The following NRG2 variants were observed in gnomAD, a reference collection of about 807,000 sequenced individuals.
NRG2 encodes the protein neuregulin 2.
NRG2 carries 27 observed loss-of-function variants against 73.9 expected under a neutral mutation model. The observed-to-expected ratio is 0.37, with a 90% confidence interval of 0.27 to 0.50. The LOEUF is 0.50. Ranked by LOEUF, NRG2 falls within the 20% of genes least tolerant of loss-of-function variation. The pLI is 0.96. For synonymous variants in NRG2, 532 were observed against 541.0 expected, an observed-to-expected ratio of 0.98 and a Z score of 0.23; for missense variants, 1,126 against 1,210.1, an observed-to-expected ratio of 0.93 and a Z score of 1.03.
intron 1 of NRG2, among the ~76,000 whole-genome samples, chr5:140,012,390 C>T (rs1467886167): frequency 6.6e-6 from 1 of 152,208 alleles, no homozygotes; most frequent in African/African-American, 2.4e-5. Flanking sequence ...CTGTCATTCA[C>T]TATATACACA....
intron 1 of NRG2, among the ~76,000 whole-genome samples, chr5:139,956,542 G>C (rs1754641548): frequency 6.6e-6 from 1 of 152,172 alleles, no homozygotes; most frequent in Non-Finnish European, 1.5e-5. Context: ...CGAAGGCTTG[G>C]GGTGGTTGGT....
At chr5:140,039,883 G>C (rs1432995439) in intron 1 of NRG2, among the ~76,000 whole-genome samples, 1 of 152,224 alleles carries the variant, frequency 6.6e-6, no homozygotes, top group Non-Finnish European at 1.5e-5. Context: ...CTGCTCCAAG[G>C]AGAAAATGTT....
At chr5:139,899,747 G>A (rs575613630) in intron 1 of NRG2, among the ~76,000 whole-genome samples, 8 of 152,184 alleles carry the variant, frequency 5.3e-5, no homozygotes, top group Non-Finnish European at 1.2e-4. Context: ...TTGATCTGAT[G>A]GGGAGGGCCT....
At chr5:139,880,728 A>C (rs1211916234) in intron 3 of NRG2, 128 bp downstream of exon 3, 1 of 650,448 alleles carries the variant, frequency 1.5e-6, no homozygotes, top group Non-Finnish European at 2.7e-6. Flanking sequence ...AGGGCTTGAT[A>C]TGGCAGCAGC....
chr5:139,942,826 G>C (rs1753500476), intron 1 of NRG2, among the ~76,000 whole-genome samples: 1 of 152,144 alleles, frequency 6.6e-6, no homozygotes, highest in Non-Finnish European at 1.5e-5. Flanking sequence ...AAATTAGTTT[G>C]ATGTAGCCTG....
intron 1 of NRG2, among the ~76,000 whole-genome samples, chr5:139,931,381 T>C (rs1256070389): frequency 2.0e-5 from 3 of 152,124 alleles, no homozygotes; most frequent in African/African-American, 7.2e-5. Context: ...TCTCTGAGGG[T>C]CCCAATCATC....
chr5:139,913,742 G>A (rs761329043), intron 1 of NRG2, among the ~76,000 whole-genome samples: 2 of 152,246 alleles, frequency 1.3e-5, no homozygotes, highest in Non-Finnish European at 2.9e-5. Flanking sequence ...CTAGAGGGAG[G>A]ACAACACTTA....
chr5:139,848,547 C>T lies in NRG2; in HGVS notation c.1923G>A (p.Leu641=). 1.3e-6 allele frequency: 2 copies of T among 1,513,148 alleles called. No individual in the cohort carries two copies. Among genetic ancestry groups the T allele is most frequent in the South Asian group, 2.5e-5 (2 of 80,802 alleles). 93.7% of individuals were successfully genotyped at this position (1,513,148 alleles called of 1,614,324 possible). ...GCCGCAGTAACGGCTGCTGCTCGGC[C>T]AGGCGGTAACTGATGGGCGCCGCCG... is the stretch of plus-strand genomic sequence containing the variant. ...LPPAAPISYR[L]AEQQPLLRHP... Residue 641 remains leucine, a synonymous_variant, in exon 10 of 10, where the codon CTG becomes CTA. Transcript: ENST00000361474.
In NRG2 at chr5:139,918,147, T is replaced by C. The variant is rs543572484; in HGVS notation, c.701-30636A>G. On this transcript the variant is annotated intron_variant, in intron 1 of 9. Transcript: ENST00000361474. Reference sequence around the variant, plus strand: ...GTGAAAGAGACTACAATTGCATTTTTTAAAAAATAAATTCCTCCTAGTAAT... The same window carrying C: ...GTGAAAGAGACTACAATTGCATTTTCTAAAAAATAAATTCCTCCTAGTAAT... Among the ~76,000 whole-genome samples the C allele has an allele frequency of 7.9e-5, 12 of 152,316 alleles. No homozygotes were observed. In the East Asian group the frequency reaches 1.9e-3, roughly 24 times the overall value.
chr5:139,938,221 C>G (rs1361057897), intron 1 of NRG2, among the ~76,000 whole-genome samples: 1 of 152,184 alleles, frequency 6.6e-6, no homozygotes, highest in African/African-American at 2.4e-5. Flanking sequence ...TCAATGAAAT[C>G]TAATCAAATC....
At chr5:139,905,889 C>T (rs887953076) in intron 1 of NRG2, among the ~76,000 whole-genome samples, 3 of 147,774 alleles carry the variant, frequency 2.0e-5, no homozygotes, top group African/African-American at 7.5e-5. Flanking sequence ...CATCCCTCCT[C>T]AGCCTTTGGG....
chr5:139,881,077 C>T, intron 2 of NRG2, 103 bp from the exon 3 acceptor site: 1 of 878,800 alleles, frequency 1.1e-6, no homozygotes, highest in Non-Finnish European at 1.9e-6. Context: ...GCCACAGTGG[C>T]CCTGCAGCTT....
intron 1 of NRG2, among the ~76,000 whole-genome samples, chr5:140,030,924 CT>C (rs896468007): frequency 4.6e-5 from 7 of 152,092 alleles, no homozygotes; most frequent in Non-Finnish European, 1.0e-4. Context: ...TGTTACTAGC[CT>C]TTTTGGAGAA....
rs566483872 is a variant in NRG2, at chr5:139,924,444, A to G, written c.701-36933T>C. ...TGGGTTCTACAGATGGAATTACTCA[A>G]CCGGCTTGTTCTGTTTTAATTAACC... On this transcript the variant is annotated intron_variant, in intron 1 of 9. Transcript: ENST00000361474. Among the ~76,000 whole-genome samples, 8 of 152,306 alleles carry G rather than the reference A, an allele frequency of 5.3e-5. No individual in the cohort carries two copies. In the South Asian group the frequency reaches 1.4e-3, roughly 28 times the overall value.
chr5:139,864,911 C>A, intron 5 of NRG2: 1 of 640,674 alleles, frequency 1.6e-6, no homozygotes, highest in Non-Finnish European at 2.9e-6. Flanking sequence ...GCCCTGGCTG[C>A]TGCAGAGAGA....
At chr5:139,991,828 T>C (rs767047952) in intron 1 of NRG2, among the ~76,000 whole-genome samples, 7 of 152,244 alleles carry the variant, frequency 4.6e-5, no homozygotes, top group African/African-American at 7.2e-5. Context: ...CCCTACTGAT[T>C]TGACATTCTA....
chr5:139,989,224 T>C (rs2126586356), intron 1 of NRG2, among the ~76,000 whole-genome samples: 1 of 152,116 alleles, frequency 6.6e-6, no homozygotes, highest in East Asian at 1.9e-4. Flanking sequence ...TGTTCATTAC[T>C]CTCCATCTCA....
intron 1 of NRG2, among the ~76,000 whole-genome samples, chr5:139,912,343 G>A (rs1333677843): frequency 2.0e-5 from 3 of 152,098 alleles, no homozygotes; most frequent in Non-Finnish European, 4.4e-5. Context: ...GCTCTGCCCA[G>A]CCTAGCCCAA....
intron 4 of NRG2, among the ~76,000 whole-genome samples, chr5:139,866,891 G>T (rs1762503415): frequency 2.0e-5 from 3 of 152,132 alleles, no homozygotes; most frequent in Admixed American, 2.0e-4. Flanking sequence ...CTGAACCCCG[G>T]CAAGGCTGGA....
Sources: gnomAD v4.1 joint callset for allele counts (sites outside exome capture counted in the v4.1 genomes callset) on GRCh38, gnomAD v4.1.1 for gene constraint, MANE v1.5 for transcripts, NCBI Gene and HGNC (gene_info 2026-07-23, HGNC 2026-07-21) for gene names.